The following BIRC6 variants were observed in gnomAD, a reference collection of about 807,000 sequenced individuals.
The protein encoded by BIRC6 is dual E2 ubiquitin-conjugating enzyme/E3 ubiquitin-protein ligase BIRC6.
BIRC6 carries 98 observed loss-of-function variants against 503.3 expected under a neutral mutation model. That is an observed-to-expected ratio of 0.19 (90% CI 0.17 to 0.23). The LOEUF is 0.23. Ranked by LOEUF, BIRC6 falls within the 10% of genes least tolerant of loss-of-function variation. The pLI, the probability that BIRC6 is intolerant of heterozygous loss-of-function variation, is 1.00. For synonymous variants in BIRC6, 2,240 were observed against 2,078.7 expected, an observed-to-expected ratio of 1.08 and a Z score of -2.11; for missense variants, 5,360 against 5,806.0, an observed-to-expected ratio of 0.92 and a Z score of 2.50.
intron 43 of BIRC6, 145 bp from the exon 44 acceptor site, chr2:32,491,280 T>TC: frequency 1.3e-6 from 1 of 773,008 alleles, no homozygotes; most frequent in South Asian, 2.2e-5. Context: ...GCTTAGTCAA[T>TC]ATAGTAGAAA....
rs146331726 is a variant in BIRC6, at chr2:32,601,512, C to T, written c.13993-1494C>T. ...AGGAGAAGTGCTTGAACCCGGGAGG[C>T]GGAGGTTGCGGTGAGCCCAGATTGT... On this transcript the variant is annotated intron_variant, in intron 70 of 73. Coordinates refer to ENST00000421745, the MANE Select transcript of BIRC6 (RefSeq NM_016252.4). Among the ~76,000 whole-genome samples, 406 of 152,122 alleles carry T rather than the reference C, an allele frequency of 2.7e-3. 1 individual carries two copies. The highest frequency in any genetic ancestry group is 7.3e-3 in the Admixed American group (112 of 15,292).
intron 63 of BIRC6, among the ~76,000 whole-genome samples, chr2:32,547,470 C>T (rs1454331319): frequency 6.6e-6 from 1 of 152,050 alleles, no homozygotes; most frequent in African/African-American, 2.4e-5. Flanking sequence ...TGTGTTGTTC[C>T]TTGCGTCTGT....
intron 73 of BIRC6, among the ~76,000 whole-genome samples, chr2:32,612,908 C>T (rs971968654): frequency 3.3e-5 from 5 of 152,180 alleles, no homozygotes; most frequent in East Asian, 3.9e-4. Flanking sequence ...TCTTCTTTCA[C>T]CGTCAGACTA....
At chr2:32,371,418 A>G (rs1485637475) in intron 1 of BIRC6, among the ~76,000 whole-genome samples, 1 of 151,614 alleles carries the variant, frequency 6.6e-6, no homozygotes. Context: ...TCTGTTGCCC[A>G]GGCTGGAGAG....
At chr2:32,406,442 CAT>C in intron 8 of BIRC6, 55 bp from the exon 9 acceptor site, 1 of 1,303,776 alleles carries the variant, frequency 7.7e-7, no homozygotes, top group African/African-American at 1.5e-5. Context: ...TTTGCTTTCT[CAT>C]ATGATGTATA....
intron 10 of BIRC6, among the ~76,000 whole-genome samples, chr2:32,418,607 G>T (rs1372865972): frequency 6.6e-6 from 1 of 152,134 alleles, no homozygotes; most frequent in Non-Finnish European, 1.5e-5. Flanking sequence ...AATGGAGCTG[G>T]ACTTGGAACC....
chr2:32,361,027 C>T (rs1016196411), intron 1 of BIRC6, among the ~76,000 whole-genome samples: 1 of 152,088 alleles, frequency 6.6e-6, no homozygotes, highest in African/African-American at 2.4e-5. Context: ...CTCAGGCAGT[C>T]CTCCTGCCTC....
chr2:32,488,241 G>A (rs554826223), intron 41 of BIRC6, among the ~76,000 whole-genome samples: 26 of 152,096 alleles, frequency 1.7e-4, no homozygotes, highest in Non-Finnish European at 3.4e-4. Context: ...TACTCGGGAG[G>A]CTGAGGCGGG....
chr2:32,435,424 A>G (rs2044590002), intron 13 of BIRC6, 72 bp from the exon 14 acceptor site: 1 of 1,403,554 alleles, frequency 7.1e-7, no homozygotes, highest in Admixed American at 3.3e-5. Context: ...ATTAAAGAAA[A>G]TTAAGTTTAC....
In BIRC6 at chr2:32,415,923, A is replaced by T; in HGVS notation, c.2632A>T (p.Ile878Phe). 1 of 1,613,992 alleles carries T rather than the reference A, an allele frequency of 6.2e-7. No homozygotes were observed. Among genetic ancestry groups the T allele is most frequent in the Non-Finnish European group, 8.5e-7 (1 of 1,179,866 alleles). The part of the protein sequence containing the change: ...DNREDDCEEP[I>F]EDMQLTSKNG... ...TCGAGAGGATGACTGTGAGGAACCT[A>T]TTGAGGACATGCAGTTAACCTCAAA... is the stretch of plus-strand genomic sequence containing the variant. Residue 878 changes from isoleucine to phenylalanine, a missense_variant, in exon 10 of 74, where the codon ATT (isoleucine) becomes TTT (phenylalanine). This residue lies in a region of BIRC6 where 700 missense variants were observed against 739.3 expected (regional missense o/e 0.95). Transcript: ENST00000421745.
Position 32,611,463 on chromosome 2 carries a change from T to C in BIRC6, c.14275T>C (p.Phe4759Leu), listed in dbSNP as rs1410175198. The C allele has an allele frequency of 6.2e-7, 1 of 1,607,594 alleles. No individual in the cohort carries two copies. Among genetic ancestry groups the C allele is most frequent in the Non-Finnish European group, 8.5e-7 (1 of 1,176,078 alleles). The stretch of plus-strand genomic sequence containing the variant: ...TTTTCTCAAGGTAATACACAAACAT[T>C]TTTACTTGAAAAGAGTTGAGATAAT... ...PCFKEVIHKH[F>L]YLKRVEIMAQ... Residue 4759 changes from phenylalanine (F) to leucine (L), a missense_variant, in exon 73 of 74, where the codon TTT becomes CTT. Coordinates refer to ENST00000421745, the MANE Select transcript of BIRC6 (RefSeq NM_016252.4).
intron 19 of BIRC6, among the ~76,000 whole-genome samples, chr2:32,442,976 C>CTA (rs2045582563): frequency 3.3e-5 from 5 of 152,030 alleles, no homozygotes; most frequent in Admixed American, 3.3e-4. Flanking sequence ...TTGTTTTTTC[C>CTA]TATATATACA....
chr2:32,379,165 G>A (rs1314292486), intron 2 of BIRC6: 1 of 152,162 alleles, frequency 6.6e-6, no homozygotes, highest in Non-Finnish European at 1.5e-5. Flanking sequence ...CAGAGAAGCT[G>A]TCTTTTTCTC....
intron 32 of BIRC6, among the ~76,000 whole-genome samples, chr2:32,471,490 A>C (rs2049094456): frequency 6.6e-6 from 1 of 152,184 alleles, no homozygotes; most frequent in Non-Finnish European, 1.5e-5. Flanking sequence ...GTGTCATTTC[A>C]TTTAGCATTA....
In BIRC6 at chr2:32,585,349, A is replaced by G. The variant is rs143587924; in HGVS notation, c.13356-8566A>G. ...TTCATGCATTCCTTTTGTTCTACCA[A>G]TTAAATTTTGATTAGTACAATATTT... On this transcript the variant is annotated intron_variant, in intron 66 of 73. Coordinates refer to ENST00000421745, the MANE Select transcript of BIRC6 (RefSeq NM_016252.4). Among the ~76,000 whole-genome samples the G allele has an allele frequency of 5.2e-3, 795 of 152,038 alleles. 3 individuals are homozygous for G. Among genetic ancestry groups the G allele is most frequent in the Admixed American group, 8.7e-3 (132 of 15,258 alleles).
intron 65 of BIRC6, among the ~76,000 whole-genome samples, chr2:32,550,233 G>A (rs1302326769): frequency 6.6e-6 from 1 of 152,080 alleles, no homozygotes; most frequent in Non-Finnish European, 1.5e-5. Flanking sequence ...AATTTATTAA[G>A]GAAGAATAGA....
chr2:32,507,930 A>C (rs775379186), intron 50 of BIRC6, 50 bp from the exon 51 acceptor site: 101 of 1,526,912 alleles, frequency 6.6e-5, no homozygotes, highest in Non-Finnish European at 8.5e-5. Context: ...TAAACTGTTC[A>C]ATCTAGTATA....
At chr2:32,447,683 G>T (rs1378774305) in intron 21 of BIRC6, among the ~76,000 whole-genome samples, 3 of 113,824 alleles carry the variant, frequency 2.6e-5, no homozygotes, top group Non-Finnish European at 5.6e-5. Flanking sequence ...CCCGGACTGG[G>T]CGGCTGGCCG....
At chr2:32,578,042 C>A (rs74735173) in intron 66 of BIRC6, among the ~76,000 whole-genome samples, 1 of 152,032 alleles carries the variant, frequency 6.6e-6, no homozygotes, top group African/African-American at 2.4e-5. Flanking sequence ...TTATATTTTG[C>A]ATTAAGACTT....
Sources: gnomAD v4.1 joint callset for allele counts (sites outside exome capture counted in the v4.1 genomes callset) on GRCh38, gnomAD v4.1.1 for gene constraint, gnomAD v4.1.1 regional missense constraint, MANE v1.5 for transcripts, NCBI Gene and HGNC (gene_info 2026-07-23, HGNC 2026-07-21) for gene names.